The following ABL1 variants were observed in gnomAD, a reference collection of about 807,000 sequenced individuals.
ABL1 encodes the protein ABL proto-oncogene 1, non-receptor tyrosine kinase.
ABL1 carries 11 observed loss-of-function variants against 94.7 expected under a neutral mutation model. The ratio of observed to expected loss-of-function variants is 0.12; its 90% CI spans 0.07 to 0.19. The LOEUF (loss-of-function observed/expected upper bound fraction) is 0.19. Among genes scored for constraint, ABL1 ranks in the 10% least tolerant of loss-of-function variants. ABL1 has a pLI of 1.00. For missense variants in ABL1, 1,082 were observed against 1,489.4 expected (o/e 0.73, Z 4.50); for synonymous variants, 656 against 622.4 (o/e 1.05, Z -0.80).
intron 4 of ABL1, among the ~76,000 whole-genome samples, chr9:130,870,024 C>T (rs1394286029): frequency 3.3e-5 from 5 of 152,182 alleles, no homozygotes; most frequent in African/African-American, 1.2e-4. Flanking sequence ...GGGGTTTCAC[C>T]ATGTTGACCA....
rs1037370588 is a variant in ABL1 at position 130,714,613 on chromosome 9, G to C, written c.136+158G>C. On this transcript the variant is annotated intron_variant, in intron 1 of 10. Coordinates refer to the ABL1 transcript ENST00000372348. ...TCTTAGTGGAACTTTCTTTGTATAA[G>C]AAAAAGTTACTTCGTGACTTCGGCT... is the stretch of plus-strand genomic sequence containing the variant. The C allele has an allele frequency of 3.0e-6, 3 of 1,012,790 alleles. No homozygotes were observed. In the African/African-American group the frequency reaches 4.8e-5, roughly 16 times the overall value. 62.7% of individuals were successfully genotyped at this position (1,012,790 alleles called of 1,614,324 possible). A position where few individuals can be genotyped will look rare whatever the true frequency, so the allele number is the denominator to read the frequency against.
chr9:130,717,673 A>T (rs1831460912), intron 1 of ABL1, among the ~76,000 whole-genome samples: 1 of 151,738 alleles, frequency 6.6e-6, no homozygotes, highest in Non-Finnish European at 1.5e-5. Flanking sequence ...AAAAAAAAAA[A>T]ATACAGTTCA....
intron 1 of ABL1, among the ~76,000 whole-genome samples, chr9:130,845,038 A>G (rs1830742281): frequency 6.6e-6 from 1 of 152,186 alleles, no homozygotes. Context: ...TGGCTCAGTA[A>G]AACCTCAGCA....
intron 1 of ABL1, among the ~76,000 whole-genome samples, chr9:130,782,469 G>A (rs552011870): frequency 6.6e-6 from 1 of 152,296 alleles, no homozygotes; most frequent in East Asian, 1.9e-4. Context: ...ACTGGTAGGG[G>A]TAAATTTAGA....
In ABL1 at chr9:130,880,828, C is replaced by G. The variant is rs1285843580; in HGVS notation, c.1678+164C>G. ...TTCGGAAGGAGGAAGGTTCTCCTCTCCCCACCTGCCTCCTATCCCCTCCCT... is the reference window on the plus strand; with the variant it reads ...TTCGGAAGGAGGAAGGTTCTCCTCTGCCCACCTGCCTCCTATCCCCTCCCT... On this transcript the variant is annotated intron_variant, in intron 10 of 10. Transcript: ENST00000318560. This position sits in a 1 kb window ranked among gnomAD's most constrained non-coding sequence, Gnocchi z 4.4. Among the ~76,000 whole-genome samples the G allele has an allele frequency of 1.3e-5, 2 of 152,236 alleles. No individual in the cohort carries two copies. Among genetic ancestry groups the G allele is most frequent in the Non-Finnish European group, 2.9e-5 (2 of 68,048 alleles).
intron 1 of ABL1, among the ~76,000 whole-genome samples, chr9:130,853,060 GA>G (rs2132953528): frequency 6.6e-6 from 1 of 152,134 alleles, no homozygotes; most frequent in South Asian, 2.1e-4. Context: ...CTGGTACTTA[GA>G]GAGGTGGGGG....
chr9:130,874,853 A>G lies in ABL1; in HGVS notation c.1086-15A>G. 6.2e-7 allele frequency: 1 copy of G among 1,613,822 alleles called. No homozygotes were observed. The highest frequency in any genetic ancestry group is 8.5e-7 in the Non-Finnish European group (1 of 1,179,812). ...TGGCCAGGAGCTCTCATGGGTGAAC[A>G]TTTTCCTTTCTTAGAGATCTTGCTG... On this transcript the variant is annotated splice_polypyrimidine_tract_variant and intron_variant, in intron 6 of 10. Transcript: ENST00000318560.
At position 130,873,638 on chromosome 9, in the gene ABL1, T is replaced by C. The variant is rs531561951; in HGVS notation, c.1085+601T>C. ...GTCTAAATTAAGTGTCTTTGCTGTTTTAAACCCTGAAGTGTTTTGACCTTC... is the reference window on the plus strand; with the variant it reads ...GTCTAAATTAAGTGTCTTTGCTGTTCTAAACCCTGAAGTGTTTTGACCTTC... On this transcript the variant is annotated intron_variant, in intron 6 of 10. Transcript: ENST00000318560. Among the ~76,000 whole-genome samples, 5 of 152,382 alleles carry C rather than the reference T, an allele frequency of 3.3e-5. No homozygotes were observed. In the East Asian group the frequency reaches 9.6e-4, roughly 29 times the overall value.
At chr9:130,733,316 G>A (rs773225482) in intron 1 of ABL1, among the ~76,000 whole-genome samples, 10 of 152,192 alleles carry the variant, frequency 6.6e-5, no homozygotes, top group Admixed American at 1.3e-4. Context: ...GTAGTGAATA[G>A]ATTCAGCATG....
intron 1 of ABL1, among the ~76,000 whole-genome samples, chr9:130,812,228 C>G (rs1015706595): frequency 1.3e-5 from 2 of 148,176 alleles, no homozygotes; most frequent in African/African-American, 5.0e-5. Flanking sequence ...AAAAAATTAG[C>G]CAGGTGTGGT....
intron 1 of ABL1, among the ~76,000 whole-genome samples, chr9:130,729,930 A>C (rs1343936467): frequency 6.8e-6 from 1 of 146,680 alleles, no homozygotes; most frequent in Non-Finnish European, 1.5e-5. Flanking sequence ...TTTTTGGTAG[A>C]TAGGGTTTCA....
intron 10 of ABL1, among the ~76,000 whole-genome samples, chr9:130,883,315 T>C (rs965555406): frequency 2.6e-5 from 4 of 152,092 alleles, no homozygotes; most frequent in African/African-American, 9.7e-5. Flanking sequence ...CTAACCAACA[T>C]GGTGAAACCC....
intron 1 of ABL1, among the ~76,000 whole-genome samples, chr9:130,849,555 T>G (rs1830825238): frequency 6.6e-6 from 1 of 152,214 alleles, no homozygotes; most frequent in African/African-American, 2.4e-5. Context: ...TGTCTCACTC[T>G]GTTGCCCAGG....
intron 1 of ABL1, among the ~76,000 whole-genome samples, chr9:130,806,746 G>T (rs73555890): frequency 0.022 from 3,332 of 151,304 alleles, 136 homozygotes; most frequent in African/African-American, 0.077. Flanking sequence ...ACAAAAGCTA[G>T]CATACTGTGT....
chr9:130,766,001 G>C (rs1029895457), intron 1 of ABL1, among the ~76,000 whole-genome samples: 1 of 152,122 alleles, frequency 6.6e-6, no homozygotes, highest in Non-Finnish European at 1.5e-5. Context: ...AAAGATAAAG[G>C]GAAGAATTGG....
intron 1 of ABL1, chr9:130,724,905 C>T: frequency 2.5e-6 from 1 of 399,912 alleles, no homozygotes. Flanking sequence ...CTTGGCACAC[C>T]AGTCATACTT....
chr9:130,768,210 T>C (rs1321117273), intron 1 of ABL1, among the ~76,000 whole-genome samples: 1 of 152,172 alleles, frequency 6.6e-6, no homozygotes, highest in African/African-American at 2.4e-5. Flanking sequence ...GCCTCTGCTT[T>C]TTCTGTTTCC....
Position 130,885,475 on chromosome 9 carries a change from AC to A in ABL1, c.3187del (p.Leu1063SerfsTer6). 1 of 1,613,934 alleles carries A rather than the reference AC, an allele frequency of 6.2e-7. No homozygotes were observed. The highest frequency in any genetic ancestry group is 8.5e-7 in the Non-Finnish European group (1 of 1,179,994). On this transcript the variant is annotated frameshift_variant, in exon 11 of 11. Coordinates refer to ENST00000318560, the MANE Select transcript of ABL1 (RefSeq NM_005157.6). LOFTEE classifies it high-confidence loss of function. Reference sequence around the variant, plus strand: ...AGCGCAGTGCTGGAGGCCGGCAAAAACCTCTACACGTTCTGCGTGAGCTATG... The same window carrying A: ...AGCGCAGTGCTGGAGGCCGGCAAAAACTCTACACGTTCTGCGTGAGCTATG... ...SHSAVLEAGKNLYTFCVSYVD... is the reference protein window; with the variant it reads ...SHSAVLEAGKXLYTFCVSYVD...
chr9:130,825,976 T>G (rs1440536675), intron 1 of ABL1, among the ~76,000 whole-genome samples: 1 of 152,194 alleles, frequency 6.6e-6, no homozygotes, highest in African/African-American at 2.4e-5. Flanking sequence ...CATGGGTACC[T>G]AGTAGGTGTC....
Sources: gnomAD v4.1 joint callset for allele counts (sites outside exome capture counted in the v4.1 genomes callset) on GRCh38, gnomAD v4.1.1 for gene constraint, Gnocchi (gnomAD v3.1) non-coding constraint, MANE v1.5 for transcripts, NCBI Gene and HGNC (gene_info 2026-07-23, HGNC 2026-07-21) for gene names.